The following CCDC102B variants were observed in gnomAD, a reference collection of about 807,000 sequenced individuals.
The protein encoded by CCDC102B is coiled-coil domain containing 102B, also known as coiled-coil domain-containing protein 102B.
In CCDC102B, 75 loss-of-function variants were observed where a neutral mutation model predicts 57.4. The ratio of observed to expected loss-of-function variants is 1.31; its 90% CI spans 1.08 to 1.58. The LOEUF (loss-of-function observed/expected upper bound fraction) is 1.58. Ranked by LOEUF, CCDC102B falls within the 40% of genes most tolerant of loss-of-function variation. CCDC102B has a pLI of 0.00. For missense variants in CCDC102B, 636 were observed against 582.6 expected (o/e 1.09, Z -0.94); for synonymous variants, 206 against 201.9 (o/e 1.02, Z -0.17).
intron 1 of CCDC102B, among the ~76,000 whole-genome samples, chr18:68,835,707 G>A (rs1790651): frequency 0.93 from 141,115 of 152,220 alleles, 66,370 homozygotes; most frequent in East Asian, 1. Flanking sequence ...GCCATAATTC[G>A]CACCTTAAAT....
chr18:68,741,811 C>T (rs2033405723), intron 2 of CCDC102B, among the ~76,000 whole-genome samples: 1 of 151,958 alleles, frequency 6.6e-6, no homozygotes, highest in African/African-American at 2.4e-5. Flanking sequence ...TTTGAGAGAA[C>T]AGACAAAGTT....
chr18:68,897,670 G>A, intron 6 of CCDC102B: 1 of 1,389,702 alleles, frequency 7.2e-7, no homozygotes, highest in Middle Eastern at 1.9e-4. Context: ...CCAAAAGGAA[G>A]AAGAAAAATG....
At chr18:68,975,178 A>G (rs149267014) in intron 6 of CCDC102B, among the ~76,000 whole-genome samples, 106 of 152,154 alleles carry the variant, frequency 7.0e-4, no homozygotes, top group Middle Eastern at 3.4e-3. Context: ...AGCTCTGTCT[A>G]TACTTACATA....
chr18:69,006,723 G>A (rs908819399), intron 6 of CCDC102B, among the ~76,000 whole-genome samples: 5 of 151,844 alleles, frequency 3.3e-5, no homozygotes, highest in African/African-American at 7.3e-5. Flanking sequence ...GATTACAGGC[G>A]TCAGCCACTG....
intron 1 of CCDC102B, among the ~76,000 whole-genome samples, chr18:68,835,292 T>C (rs2037319034): frequency 6.6e-6 from 1 of 152,140 alleles, no homozygotes; most frequent in Non-Finnish European, 1.5e-5. Flanking sequence ...TGCTGTAAAG[T>C]TTCCTCATTT....
chr18:69,031,237 G>A (rs1449868177), intron 7 of CCDC102B, among the ~76,000 whole-genome samples: 2 of 152,106 alleles, frequency 1.3e-5, no homozygotes, highest in African/African-American at 2.4e-5. Flanking sequence ...TCTGAGCATT[G>A]TAGTCCTTTT....
intron 2 of CCDC102B, among the ~76,000 whole-genome samples, chr18:68,730,857 A>G (rs1382346146): frequency 6.6e-6 from 1 of 152,238 alleles, no homozygotes; most frequent in African/African-American, 2.4e-5. Context: ...AAAGGTATCA[A>G]CAGTATCAAA....
intron 6 of CCDC102B, among the ~76,000 whole-genome samples, chr18:68,905,206 A>G (rs2040582417): frequency 1.1e-5 from 1 of 87,680 alleles, no homozygotes; most frequent in South Asian, 4.0e-4. Flanking sequence ...AATCACTTAT[A>G]TTTAATAAAA....
At chr18:68,849,877 A>G (rs375951452) in intron 4 of CCDC102B, among the ~76,000 whole-genome samples, 1 of 152,122 alleles carries the variant, frequency 6.6e-6, no homozygotes, top group African/African-American at 2.4e-5. Context: ...TTCTCCATCT[A>G]TCCAGTGACT....
chr18:68,849,685 A>G (rs1296024305), intron 4 of CCDC102B, among the ~76,000 whole-genome samples: 2 of 152,144 alleles, frequency 1.3e-5, no homozygotes, highest in Non-Finnish European at 2.9e-5. Flanking sequence ...TCAGCAGTCC[A>G]AGGAAGTCCA....
intron 6 of CCDC102B, among the ~76,000 whole-genome samples, chr18:68,960,982 G>T (rs981944116): frequency 7.2e-5 from 11 of 152,092 alleles, no homozygotes; most frequent in African/African-American, 2.7e-4. Flanking sequence ...TATACAGTGG[G>T]CTACAGTTTC....
chr18:69,023,677 G>A (rs2051909346), intron 7 of CCDC102B, among the ~76,000 whole-genome samples: 1 of 152,042 alleles, frequency 6.6e-6, no homozygotes, highest in Middle Eastern at 3.4e-3. Flanking sequence ...CATAGTTACA[G>A]CTGGGAGAGA....
intron 1 of CCDC102B, among the ~76,000 whole-genome samples, chr18:68,831,245 C>G (rs1002476455): frequency 3.9e-5 from 6 of 151,910 alleles, no homozygotes; most frequent in Admixed American, 6.6e-5. Context: ...TTACTGAAAA[C>G]CTAGCCTAAA....
chr18:68,907,061 T>G (rs1431806411), intron 6 of CCDC102B, among the ~76,000 whole-genome samples: 2 of 152,200 alleles, frequency 1.3e-5, no homozygotes, highest in Non-Finnish European at 2.9e-5. Context: ...TTGAAGAGAC[T>G]ATTTTTTTCT....
chr18:68,994,879 A>T (rs1002409604), intron 6 of CCDC102B, among the ~76,000 whole-genome samples: 19 of 152,236 alleles, frequency 1.2e-4, no homozygotes, highest in South Asian at 2.1e-4. Flanking sequence ...ATACCTGAAA[A>T]TGTGGAAGGA....
chr18:68,962,214 A>G (rs928881957), intron 6 of CCDC102B, among the ~76,000 whole-genome samples: 1 of 152,130 alleles, frequency 6.6e-6, no homozygotes, highest in Non-Finnish European at 1.5e-5. Flanking sequence ...TTAAAAGCAA[A>G]TAGAGCATTG....
chr18:69,044,478 A>C (rs1444545405), intron 7 of CCDC102B, among the ~76,000 whole-genome samples: 1 of 152,148 alleles, frequency 6.6e-6, no homozygotes, highest in African/African-American at 2.4e-5. Flanking sequence ...AAATTCAGTA[A>C]GTATTTTCCC....
At chr18:68,927,299 C>T (rs2041505122) in intron 6 of CCDC102B, among the ~76,000 whole-genome samples, 1 of 151,964 alleles carries the variant, frequency 6.6e-6, no homozygotes, top group Non-Finnish European at 1.5e-5. Flanking sequence ...TAATGCTCGA[C>T]ATATGAAAGT....
intron 6 of CCDC102B, among the ~76,000 whole-genome samples, chr18:68,948,076 T>G (rs1434244426): frequency 1.3e-5 from 2 of 152,132 alleles, no homozygotes; most frequent in African/African-American, 4.8e-5. Flanking sequence ...TATACTCCAT[T>G]TGCTAAAAGG....
Sources: allele counts gnomAD v4.1 joint callset (sites outside exome capture counted in the v4.1 genomes callset), GRCh38; gene constraint gnomAD v4.1.1; transcripts MANE v1.5; gene names NCBI Gene and HGNC (gene_info 2026-07-23, HGNC 2026-07-21).